The following NR2F1-AS1 variants were observed in gnomAD, a reference collection of about 807,000 sequenced individuals.
The protein encoded by NR2F1-AS1 is NR2F1 regulatory antisense RNA 1, also known as NR2F1 antisense RNA 1.
chr5:93,442,049 T>C (rs966625241), intron 4 of NR2F1-AS1, among the ~76,000 whole-genome samples: 4 of 152,194 alleles, frequency 2.6e-5, no homozygotes, highest in African/African-American at 9.7e-5. Flanking sequence ...TCTCTGGCCC[T>C]TTATAGAAAA....
upstream of NR2F1-AS1, among the ~76,000 whole-genome samples, chr5:93,581,735 CCCCTCTCCCT>C (rs1753058371): frequency 7.5e-5 from 2 of 26,772 alleles, 1 homozygote; most frequent in African/African-American, 6.4e-4. Context: ...TCTCTCTCTC[CCCCTCTCCCT>C]CTCCCTCTCC....
At chr5:93,440,439 G>A (rs138941082) in intron 4 of NR2F1-AS1, among the ~76,000 whole-genome samples, 3 of 152,312 alleles carry the variant, frequency 2.0e-5, no homozygotes, top group African/African-American at 7.2e-5. Context: ...ATTAAAGACT[G>A]AGTAAGAAGG....
chr5:93,491,328 G>A (rs1043291193), intron 4 of NR2F1-AS1, among the ~76,000 whole-genome samples: 6 of 149,672 alleles, frequency 4.0e-5, no homozygotes, highest in African/African-American at 1.5e-4. Flanking sequence ...GGTAATGGTG[G>A]TATTGATGAA....
intron 1 of NR2F1-AS1, among the ~76,000 whole-genome samples, chr5:93,567,493 G>A (rs1580340797): frequency 6.6e-6 from 1 of 152,276 alleles, no homozygotes; most frequent in East Asian, 1.9e-4. Context: ...ATTTGTCTTA[G>A]GCTATTACTG....
chr5:93,507,597 ATCAGCCTGCC>A (rs1170686358), intron 4 of NR2F1-AS1, among the ~76,000 whole-genome samples: 1 of 152,332 alleles, frequency 6.6e-6, no homozygotes, highest in East Asian at 1.9e-4. Flanking sequence ...ACCTCAGGTG[ATCAGCCTGCC>A]TCGGCCTTCC....
At chr5:93,582,902 C>CT (rs1213836769), upstream of NR2F1-AS1, among the ~76,000 whole-genome samples, 1 of 151,178 alleles carries the variant, frequency 6.6e-6, no homozygotes, top group African/African-American at 2.4e-5. Context: ...CCCTCCCTCA[C>CT]TTTCTCTCCT....
intron 4 of NR2F1-AS1, among the ~76,000 whole-genome samples, chr5:93,530,526 T>C (rs1414240652): frequency 2.0e-5 from 3 of 152,134 alleles, no homozygotes; most frequent in Non-Finnish European, 4.4e-5. Flanking sequence ...TTGCCTCTCA[T>C]TGGAGGCAGC....
intron 4 of NR2F1-AS1, among the ~76,000 whole-genome samples, chr5:93,523,700 C>A (rs1335554467): frequency 2.0e-5 from 3 of 152,196 alleles, no homozygotes; most frequent in African/African-American, 7.2e-5. Flanking sequence ...GCTGGTGATA[C>A]TCAAGCAAAC....
At chr5:93,502,486 C>T (rs185859836) in intron 4 of NR2F1-AS1, among the ~76,000 whole-genome samples, 10 of 152,190 alleles carry the variant, frequency 6.6e-5, no homozygotes, top group Admixed American at 6.5e-4. Context: ...ACCTAGGGGC[C>T]AGTAGCTAAG....
intron 4 of NR2F1-AS1, among the ~76,000 whole-genome samples, chr5:93,521,226 G>A (rs1352304311): frequency 6.6e-6 from 1 of 152,122 alleles, no homozygotes; most frequent in Non-Finnish European, 1.5e-5. Context: ...ACCCAAGATG[G>A]ATTAAAGATT....
At chr5:93,577,567 T>C (rs1752924409) in intron 1 of NR2F1-AS1, among the ~76,000 whole-genome samples, 1 of 152,218 alleles carries the variant, frequency 6.6e-6, no homozygotes, top group Non-Finnish European at 1.5e-5. Context: ...TGTTTTGGTT[T>C]TGTGTTTTAG....
At chr5:93,571,844 A>C (rs1228597327) in intron 1 of NR2F1-AS1, among the ~76,000 whole-genome samples, 3 of 150,500 alleles carry the variant, frequency 2.0e-5, no homozygotes, top group African/African-American at 7.5e-5. Flanking sequence ...TCCCCTTTGC[A>C]AACGGAAAAG....
intron 4 of NR2F1-AS1, among the ~76,000 whole-genome samples, chr5:93,467,784 G>A (rs938374164): frequency 5.3e-5 from 8 of 152,074 alleles, no homozygotes; most frequent in East Asian, 1.9e-4. Context: ...CCATTAACTC[G>A]TCATTTATAT....
chr5:93,534,866 C>T (rs1237345989), intron 4 of NR2F1-AS1, among the ~76,000 whole-genome samples: 1 of 152,182 alleles, frequency 6.6e-6, no homozygotes, highest in African/African-American at 2.4e-5. Context: ...TTAGGCTAGG[C>T]ATATTACATC....
intron 4 of NR2F1-AS1, among the ~76,000 whole-genome samples, chr5:93,425,338 C>G (rs1174129043): frequency 6.6e-6 from 1 of 152,174 alleles, no homozygotes; most frequent in African/African-American, 2.4e-5. Context: ...GCACAATAAC[C>G]TGGGCTCATT....
In NR2F1-AS1 at chr5:93,450,939, A is replaced by C. The variant is rs11740061; in HGVS notation, n.639-55397T>G. On this transcript the variant is annotated intron_variant and non_coding_transcript_variant, in intron 4 of 5. Transcript: ENST00000660523. The stretch of plus-strand genomic sequence containing the variant: ...CAAAAAAAAAAAAAAAAAAAAAAAA[A>C]CAGAGAGAGAGATAGGAAGCAATGT... Among the ~76,000 whole-genome samples, 7 of 148,414 alleles carry C rather than the reference A, an allele frequency of 4.7e-5. No homozygotes were observed. The South Asian group carries it at 1.1e-3, about 22-fold the overall frequency.
chr5:93,554,411 A>G (rs1462040773), intron 3 of NR2F1-AS1, among the ~76,000 whole-genome samples: 1 of 152,188 alleles, frequency 6.6e-6, no homozygotes, highest in Non-Finnish European at 1.5e-5. Context: ...ATTCTTGTTA[A>G]TACCGAGGTT....
chr5:93,434,822 T>G (rs1749400113), intron 4 of NR2F1-AS1, among the ~76,000 whole-genome samples: 2 of 152,034 alleles, frequency 1.3e-5, no homozygotes, highest in Admixed American at 1.3e-4. Context: ...GCTTGTCTAA[T>G]TTTTTTTATA....
At chr5:93,457,075 C>A (rs567548530) in intron 4 of NR2F1-AS1, among the ~76,000 whole-genome samples, 1 of 152,124 alleles carries the variant, frequency 6.6e-6, no homozygotes, top group South Asian at 2.1e-4. Context: ...TGCCCAGGGA[C>A]GAGCAGGAGA....
Sources: allele counts gnomAD v4.1 joint callset (sites outside exome capture counted in the v4.1 genomes callset), GRCh38; gene constraint gnomAD v4.1.1; transcripts MANE v1.5; gene names NCBI Gene and HGNC (gene_info 2026-07-23, HGNC 2026-07-21).